FMR1: variants seen among roughly 807,000 people sequenced by gnomAD.
The protein encoded by FMR1 is fragile X messenger ribonucleoprotein 1.
In FMR1, 13 loss-of-function variants were observed where a neutral mutation model predicts 50.6. That is an observed-to-expected ratio of 0.26 (90% confidence interval 0.17 to 0.41). FMR1 has a LOEUF of 0.41. Among genes scored for constraint, FMR1 ranks in the 10% least tolerant of loss-of-function variants. The pLI is 1.00. For missense variants in FMR1, 316 were observed against 491.3 expected (o/e 0.64, Z 3.37); for synonymous variants, 138 against 164.1 (o/e 0.84, Z 1.22).
intron 14 of FMR1, 90 bp from the exon 15 acceptor site, chrX:147,944,779 A>AC: frequency 8.8e-7 from 1 of 1,134,374 alleles, no homozygotes; most frequent in Non-Finnish European, 1.2e-6. Context: ...GTTTTGGATT[A>AC]CCCCTGAAAC....
chrX:147,939,902 CA>C (rs782544831), intron 12 of FMR1, among the ~76,000 whole-genome samples: 5,204 of 45,475 alleles, frequency 0.11, 179 homozygotes, highest in South Asian at 0.13. Context: ...GACCCTGTCT[CA>C]AAAAAAAAAA....
chrX:147,948,716 C>T lies in FMR1; in HGVS notation c.1771C>T (p.His591Tyr). Reference sequence around the variant, plus strand: ...TGACTGCAATAATGAAAGGAGTGTCCACACTAAAACATTACAGAATACCTC... The same window carrying T: ...TGACTGCAATAATGAAAGGAGTGTCTACACTAAAACATTACAGAATACCTC... ...RVDCNNERSVHTKTLQNTSSE... is the reference protein window; with the variant it reads ...RVDCNNERSVYTKTLQNTSSE... Residue 591 changes from histidine (H) to tyrosine (Y), a missense_variant, in exon 17 of 17, where the codon CAC (histidine) becomes TAC (tyrosine). By Grantham distance (83) the His-to-Tyr change is moderately conservative. This residue lies in a region of FMR1 where 124 missense variants were observed against 160.8 expected (regional missense o/e 0.77). Transcript: ENST00000370475. 1 of 1,211,171 alleles carries T rather than the reference C, an allele frequency of 8.3e-7. No homozygotes were observed. Among genetic ancestry groups the T allele is most frequent in the Non-Finnish European group, 1.1e-6 (1 of 895,220 alleles).
chrX:147,932,612 A>T lies in FMR1; in HGVS notation c.801+17A>T, dbSNP rs1557178921. ...TATGGAGAGGTAAATATTTTACTGC[A>T]TAGTTTTTTTTTCCCCAAACAAGTA... On this transcript the variant is annotated intron_variant, in intron 8 of 16. Transcript: ENST00000370475. 10 of 1,201,119 alleles carry T rather than the reference A, an allele frequency of 8.3e-6. No individual in the cohort carries two copies. The highest frequency in any genetic ancestry group is 1.1e-5 in the Non-Finnish European group (10 of 885,927).
chrX:147,936,603 C>T lies in FMR1; in HGVS notation c.980C>T (p.Pro327Leu). ...GAGGCTGAAAATGAGAAAAATGTTC[C>T]ACAAGAAGAGGTATGTTACAGTGCG... is the stretch of plus-strand genomic sequence containing the variant. ...RIEAENEKNV[P>L]QEEEIMPPNS... The change falls in exon 10 of 17, where the codon CCA (proline) becomes CTA (leucine). Residue 327 changes from proline to leucine, a missense_variant. Coordinates refer to ENST00000370475, the MANE Select transcript of FMR1 (RefSeq NM_002024.6). 8.8e-7 allele frequency: 1 copy of T among 1,138,694 alleles called. No homozygotes were observed. The highest frequency in any genetic ancestry group is 1.2e-6 in the Non-Finnish European group (1 of 829,004). The allele number at this position is 1,138,694 out of a possible 1,213,427, so 93.8% of individuals were successfully genotyped here. A position where few individuals can be genotyped will look rare whatever the true frequency, so the allele number is the denominator to read the frequency against.
intron 10 of FMR1, among the ~76,000 whole-genome samples, 164 bp from the exon 11 acceptor site, chrX:147,937,302 C>CT (rs35261219): frequency 2.7e-5 from 3 of 111,299 alleles, no homozygotes; most frequent in Non-Finnish European, 3.8e-5. Context: ...AAAGTTAAAT[C>CT]TTTTTTTTCT....
chrX:147,920,549 G>C (rs1319089688), intron 1 of FMR1, among the ~76,000 whole-genome samples: 3 of 111,360 alleles, frequency 2.7e-5, no homozygotes, highest in Non-Finnish European at 5.6e-5. Context: ...GCTGGGATAG[G>C]AACCTCTTAG....
At chrX:147,925,831 A>G (rs1557177441) in intron 3 of FMR1, among the ~76,000 whole-genome samples, 198 bp downstream of exon 3, 1 of 112,237 alleles carries the variant, frequency 8.9e-6, no homozygotes, top group East Asian at 2.8e-4. Context: ...CTATTTGAGC[A>G]GTACTCAGAG....
intron 1 of FMR1, chrX:147,912,585 C>G (rs28901): frequency 6.6e-6 from 2 of 304,300 alleles, no homozygotes; most frequent in Non-Finnish European, 1.1e-5. Context: ...GGCTTATTCC[C>G]CCTTTCCTAA....
At chrX:147,916,078 T>G (rs782018260) in intron 1 of FMR1, among the ~76,000 whole-genome samples, 1 of 112,499 alleles carries the variant, frequency 8.9e-6, no homozygotes, top group East Asian at 2.8e-4. Flanking sequence ...TTTTTGTTAC[T>G]AATTCTTGAA....
chrX:147,918,200 C>T (rs2042967527), intron 1 of FMR1, among the ~76,000 whole-genome samples: 1 of 110,797 alleles, frequency 9.0e-6, no homozygotes, highest in African/African-American at 3.3e-5. Flanking sequence ...GAGCCAAAAG[C>T]GACGGCTATT....
intron 13 of FMR1, 120 bp downstream of exon 13, chrX:147,940,782 A>G (rs1187830259): frequency 4.1e-6 from 2 of 492,489 alleles, no homozygotes; most frequent in African/African-American, 4.7e-5. Context: ...ATGACTTGTC[A>G]AAGGTAATAG....
At chrX:147,929,927 T>A (rs1489548844) in intron 5 of FMR1, 21 bp from the exon 6 acceptor site, 6 of 781,943 alleles carry the variant, frequency 7.7e-6, no homozygotes, top group Non-Finnish European at 7.3e-6. Context: ...TTCATCTTAA[T>A]TTTTTTTTTT....
At position 147,918,555 on chromosome X, in the gene FMR1, C is replaced by CTTTTTTTTTTTTTTTTTT. The variant is rs368581020; in HGVS notation, c.52-3370_52-3353dup. Among the ~76,000 whole-genome samples the CTTTTTTTTTTTTTTTTTT allele has an allele frequency of 8.0e-4, 38 of 47,273 alleles. 4 individuals are homozygous for CTTTTTTTTTTTTTTTTTT. Among genetic ancestry groups the CTTTTTTTTTTTTTTTTTT allele is most frequent in the African/African-American group, 3.0e-3 (28 of 9,271 alleles). 41.1% of individuals were successfully genotyped at this position (47,273 alleles called of 115,157 possible). A position where few individuals can be genotyped will look rare whatever the true frequency, so the allele number is the denominator to read the frequency against. On this transcript the variant is annotated intron_variant, in intron 1 of 16. Coordinates refer to ENST00000370475, the MANE Select transcript of FMR1 (RefSeq NM_002024.6). The stretch of plus-strand genomic sequence containing the variant: ...GAAATGCATTCAGAGCCTGCAAAAG[C>CTTTTTTTTTTTTTTTTTT]TTTTTTTTTTTTTTTTTTTTTTTTT...
At chrX:147,915,431 A>C (rs2042808524) in intron 1 of FMR1, among the ~76,000 whole-genome samples, 2 of 111,534 alleles carry the variant, frequency 1.8e-5, no homozygotes, top group Admixed American at 1.9e-4. Flanking sequence ...ACTTTGCATA[A>C]AGGTGTTATT....
chrX:147,930,275 G>C (rs1557178477), intron 7 of FMR1, 31 bp downstream of exon 7: 1 of 865,137 alleles, frequency 1.2e-6, no homozygotes, highest in South Asian at 2.0e-5. Context: ...CTGCTTGTAA[G>C]GGTACCTAGG....
chrX:147,932,377 T>A lies in FMR1; in HGVS notation c.631-48T>A, dbSNP rs368413161. On this transcript the variant is annotated intron_variant, in intron 7 of 16. Coordinates refer to ENST00000370475, the MANE Select transcript of FMR1 (RefSeq NM_002024.6). ...TACATGGCTGGCCTAAATACAGTTGTCGTAATAGTTGATAAAGTGTATTCA... is the reference window on the plus strand; with the variant it reads ...TACATGGCTGGCCTAAATACAGTTGACGTAATAGTTGATAAAGTGTATTCA... 1.4e-4 allele frequency: 156 copies of A among 1,130,910 alleles called. No homozygotes were observed. The South Asian group carries it at 2.8e-3, about 20-fold the overall frequency. The allele number at this position is 1,130,910 out of a possible 1,213,427, so 93.2% of individuals were successfully genotyped here. A position where few individuals can be genotyped will look rare whatever the true frequency, so the allele number is the denominator to read the frequency against.
intron 16 of FMR1, chrX:147,948,448 C>T (rs144100889): frequency 2.9e-5 from 30 of 1,018,772 alleles, no homozygotes; most frequent in African/African-American, 2.9e-4. Flanking sequence ...TTTTCTCTAA[C>T]TTTGGATGCA....
intron 1 of FMR1, among the ~76,000 whole-genome samples, chrX:147,921,310 T>A (rs1260418254): frequency 9.0e-6 from 1 of 111,268 alleles, no homozygotes; most frequent in Admixed American, 9.6e-5. Context: ...AATTGTGTCA[T>A]CAGATTTAAA....
chrX:147,915,450 C>G (rs1212031538), intron 1 of FMR1, among the ~76,000 whole-genome samples: 1 of 111,494 alleles, frequency 9.0e-6, no homozygotes, highest in African/African-American at 3.3e-5. Context: ...TTCTGTACTT[C>G]GAGGAAGTGA....
Sources: gnomAD v4.1 joint callset for allele counts (sites outside exome capture counted in the v4.1 genomes callset) on GRCh38, gnomAD v4.1.1 for gene constraint, gnomAD v4.1.1 regional missense constraint, MANE v1.5 for transcripts, NCBI Gene and HGNC (gene_info 2026-07-23, HGNC 2026-07-21) for gene names.